The following PCDH15 variants were observed in gnomAD, a reference collection of about 807,000 sequenced individuals.
PCDH15 encodes the protein protocadherin related 15, also known as protocadherin-15.
Under a neutral mutation model 178.5 loss-of-function variants are expected in PCDH15, and 129 were observed. That is an observed-to-expected ratio of 0.72 (90% CI 0.63 to 0.84). PCDH15 has a LOEUF of 0.84. Among genes scored for constraint, PCDH15 ranks in the 40% least tolerant of loss-of-function variants. The pLI is 0.00. For synonymous variants in PCDH15, 800 were observed against 732.0 expected, an observed-to-expected ratio of 1.09 and a Z score of -1.50; for missense variants, 2,230 against 2,099.9, an observed-to-expected ratio of 1.06 and a Z score of -1.21.
intron 15 of PCDH15, among the ~76,000 whole-genome samples, chr10:54,091,272 T>C (rs2094596688): frequency 6.6e-6 from 1 of 152,212 alleles, no homozygotes; most frequent in South Asian, 2.1e-4. Flanking sequence ...GGTTCAGATG[T>C]ATTTTATTTT....
At chr10:53,878,635 A>G (rs1326040757) in intron 26 of PCDH15, among the ~76,000 whole-genome samples, 1 of 150,744 alleles carries the variant, frequency 6.6e-6, no homozygotes, top group South Asian at 2.1e-4. Flanking sequence ...CTACTTACAT[A>G]TTTTCATTGT....
intron 2 of PCDH15, among the ~76,000 whole-genome samples, chr10:55,341,805 ATTTTTTTTTTTTTTTT>A (rs869187882): frequency 7.3e-4 from 12 of 16,332 alleles, no homozygotes; most frequent in East Asian, 2.1e-3. Context: ...ATATATATAT[ATTTTTTTTTTTTTTTT>A]TTTTTTTTTT....
chr10:53,978,368 T>C (rs2090359675), intron 21 of PCDH15, among the ~76,000 whole-genome samples: 1 of 152,170 alleles, frequency 6.6e-6, no homozygotes, highest in Non-Finnish European at 1.5e-5. Flanking sequence ...GAGAATTGCA[T>C]CTTCTGAAGC....
chr10:55,521,423 C>T (rs564453942), intron 2 of PCDH15, among the ~76,000 whole-genome samples: 9 of 151,994 alleles, frequency 5.9e-5, no homozygotes, highest in East Asian at 1.9e-4. Flanking sequence ...GTTCACATTA[C>T]GATTTTTTTT....
chr10:53,818,780 T>G (rs991688424), intron 33 of PCDH15, among the ~76,000 whole-genome samples: 3 of 152,020 alleles, frequency 2.0e-5, no homozygotes, highest in African/African-American at 7.2e-5. Flanking sequence ...AACCATGTTA[T>G]GTAGAATTAA....
intron 31 of PCDH15, 69 bp from the exon 32 acceptor site, chr10:53,827,617 T>C: frequency 6.4e-7 from 1 of 1,568,464 alleles, no homozygotes; most frequent in Non-Finnish European, 8.8e-7. Context: ...TAAGCCACCT[T>C]TTAATAATGG....
At chr10:54,796,635 CCTTT>C (rs911967925) in intron 1 of PCDH15, among the ~76,000 whole-genome samples, 48 of 151,466 alleles carry the variant, frequency 3.2e-4, no homozygotes, top group Non-Finnish European at 6.5e-4. Context: ...CTTTCTGTTC[CCTTT>C]CTCTTTTTCT....
At chr10:54,586,576 A>G (rs2091484019) in intron 2 of PCDH15, among the ~76,000 whole-genome samples, 1 of 152,322 alleles carries the variant, frequency 6.6e-6, no homozygotes, top group East Asian at 1.9e-4. Flanking sequence ...GCTTCCTGAT[A>G]TCACATAACT....
intron 20 of PCDH15, among the ~76,000 whole-genome samples, chr10:54,003,151 G>A (rs565593606): frequency 6.6e-6 from 1 of 151,992 alleles, no homozygotes; most frequent in East Asian, 1.9e-4. Flanking sequence ...ATCATGAAAG[G>A]AAAAAAACTT....
intron 2 of PCDH15, among the ~76,000 whole-genome samples, chr10:55,605,999 AT>A (rs1217462503): frequency 1.6e-5 from 1 of 63,742 alleles, no homozygotes; most frequent in African/African-American, 6.7e-5. Flanking sequence ...AGAAAACCCC[AT>A]TGTCTCAGCC....
At chr10:55,620,132 T>A (rs577454203) in intron 2 of PCDH15, among the ~76,000 whole-genome samples, 1 of 152,174 alleles carries the variant, frequency 6.6e-6, no homozygotes, top group South Asian at 2.1e-4. Context: ...GGAAATAGGA[T>A]GTTTAAAAAT....
At chr10:55,257,496 A>T (rs999735271) in intron 1 of PCDH15, among the ~76,000 whole-genome samples, 4 of 152,154 alleles carry the variant, frequency 2.6e-5, no homozygotes, top group Non-Finnish European at 5.9e-5. Flanking sequence ...ACGAATGGCT[A>T]ACTAGAATAA....
intron 2 of PCDH15, among the ~76,000 whole-genome samples, chr10:55,121,667 T>A (rs2132066959): frequency 6.6e-6 from 1 of 152,248 alleles, no homozygotes; most frequent in East Asian, 1.9e-4. Context: ...GGAGCACTCA[T>A]GAGTGGGATT....
chr10:54,681,832 T>C (rs1457074740), intron 1 of PCDH15, among the ~76,000 whole-genome samples: 1 of 152,108 alleles, frequency 6.6e-6, no homozygotes, highest in Non-Finnish European at 1.5e-5. Flanking sequence ...TATTAAAAAG[T>C]ACAGTGCAGA....
chr10:55,038,749 A>G (rs1840796726), intron 2 of PCDH15, among the ~76,000 whole-genome samples: 1 of 152,154 alleles, frequency 6.6e-6, no homozygotes, highest in Non-Finnish European at 1.5e-5. Context: ...AACTTTTCAA[A>G]GTAGCAGTGT....
intron 3 of PCDH15, among the ~76,000 whole-genome samples, chr10:54,823,550 G>A (rs932266946): frequency 6.6e-6 from 1 of 152,036 alleles, no homozygotes; most frequent in African/African-American, 2.4e-5. Context: ...TTAAATGAAG[G>A]GTAGAGGGTC....
intron 15 of PCDH15, among the ~76,000 whole-genome samples, chr10:54,093,348 A>G (rs1478212528): frequency 6.6e-6 from 1 of 152,184 alleles, no homozygotes; most frequent in Non-Finnish European, 1.5e-5. Context: ...CGAGGGTGGT[A>G]TAATAATTAG....
At chr10:54,131,727 A>C (rs1428837237) in intron 15 of PCDH15, among the ~76,000 whole-genome samples, 1 of 152,216 alleles carries the variant, frequency 6.6e-6, no homozygotes, top group African/African-American at 2.4e-5. Context: ...AATCAGTAGG[A>C]TATAACAGAA....
intron 2 of PCDH15, among the ~76,000 whole-genome samples, chr10:55,537,993 CT>C (rs1400787241): frequency 6.6e-6 from 1 of 152,148 alleles, no homozygotes; most frequent in African/African-American, 2.4e-5. Context: ...TAAAATCACA[CT>C]TGAATGAACT....
Sources: allele counts gnomAD v4.1 joint callset (sites outside exome capture counted in the v4.1 genomes callset), GRCh38; gene constraint gnomAD v4.1.1; transcripts MANE v1.5; gene names NCBI Gene and HGNC (gene_info 2026-07-23, HGNC 2026-07-21).